TCF4: variants seen among roughly 807,000 people sequenced by gnomAD.
TCF4 encodes SL3-3 enhancer factor 2.
In TCF4, 3 loss-of-function variants were observed where a neutral mutation model predicts 82.1. The ratio of observed to expected loss-of-function variants is 0.04; its 90% CI spans 0.02 to 0.09. The LOEUF is 0.09. Among genes scored for constraint, TCF4 ranks in the 10% least tolerant of loss-of-function variants. The pLI is 1.00. For missense variants in TCF4, 518 were observed against 852.7 expected (o/e 0.61, Z 4.89); for synonymous variants, 276 against 309.6 (o/e 0.89, Z 1.14).
At chr18:55,230,149 A>C (rs371622259) in intron 17 of TCF4, 20 of 12,948 alleles carry the variant, frequency 1.5e-3, no homozygotes, top group African/African-American at 3.3e-3. Context: ...TGTCTCTTAC[A>C]AAAAAAAAAA....
intron 3 of TCF4, among the ~76,000 whole-genome samples, chr18:55,475,359 T>A (rs907822772): frequency 1.3e-5 from 2 of 152,180 alleles, no homozygotes; most frequent in African/African-American, 2.4e-5. Flanking sequence ...ACAATAGTGG[T>A]CTGGTGTCCT....
At chr18:55,487,892 TA>T (rs879529817) in intron 3 of TCF4, among the ~76,000 whole-genome samples, 135 of 145,382 alleles carry the variant, frequency 9.3e-4, no homozygotes, top group Middle Eastern at 3.5e-3. Flanking sequence ...TCCATTTTCT[TA>T]AAAAAAAAAA....
chr18:55,363,444 T>A (rs998347995), intron 6 of TCF4, among the ~76,000 whole-genome samples: 1 of 152,234 alleles, frequency 6.6e-6, no homozygotes, highest in Admixed American at 6.5e-5. Flanking sequence ...ATGGCCTTTG[T>A]TAGCTATGAC....
At chr18:55,444,055 C>T (rs1263235677) in intron 5 of TCF4, among the ~76,000 whole-genome samples, 4 of 152,150 alleles carry the variant, frequency 2.6e-5, no homozygotes, top group African/African-American at 7.2e-5. Flanking sequence ...GTTTGCATTC[C>T]TAAGCATCAC....
At chr18:55,555,890 A>G (rs1464028273) in intron 3 of TCF4, among the ~76,000 whole-genome samples, 1 of 152,196 alleles carries the variant, frequency 6.6e-6, no homozygotes, top group Non-Finnish European at 1.5e-5. Context: ...AAATACATCT[A>G]TTTAGTCTTT....
At chr18:55,600,637 G>T (rs1434802782) in intron 2 of TCF4, among the ~76,000 whole-genome samples, 1 of 152,166 alleles carries the variant, frequency 6.6e-6, no homozygotes, top group Non-Finnish European at 1.5e-5. Context: ...TCACCCTCAT[G>T]TACTCCTAGG....
At chr18:55,593,413 T>C (rs142573412), upstream of TCF4, among the ~76,000 whole-genome samples, 2 of 152,302 alleles carry the variant, frequency 1.3e-5, no homozygotes, top group African/African-American at 4.8e-5. Flanking sequence ...CTAAAGATAA[T>C]GCTTCTTTCA....
At chr18:55,307,100 A>T (rs1442410193) in intron 8 of TCF4, among the ~76,000 whole-genome samples, 3 of 152,190 alleles carry the variant, frequency 2.0e-5, no homozygotes, top group Non-Finnish European at 4.4e-5. Context: ...TGTACATCAA[A>T]ATTTTTTTAT....
intron 9 of TCF4, among the ~76,000 whole-genome samples, chr18:55,277,996 G>A (rs530205692): frequency 6.6e-6 from 1 of 152,210 alleles, no homozygotes; most frequent in South Asian, 2.1e-4. Flanking sequence ...GTTACACCTA[G>A]GACGGGTCAC....
chr18:55,452,314 T>A (rs773446766), intron 5 of TCF4, among the ~76,000 whole-genome samples: 3 of 152,212 alleles, frequency 2.0e-5, no homozygotes, highest in Non-Finnish European at 4.4e-5. Context: ...AATCAACAAC[T>A]GCAATTGTGT....
chr18:55,550,082 T>C (rs776617675), intron 3 of TCF4, among the ~76,000 whole-genome samples: 4 of 152,214 alleles, frequency 2.6e-5, no homozygotes, highest in Admixed American at 6.5e-5. Context: ...TGTAGAAAAC[T>C]ATAAACTATC....
chr18:55,587,127 T>C lies in TCF4; in HGVS notation c.-11A>G. 6.3e-7 allele frequency: 1 copy of C among 1,595,382 alleles called. No individual in the cohort carries two copies. The highest frequency in any genetic ancestry group is 8.5e-7 in the Non-Finnish European group (1 of 1,169,830). On this transcript the variant is annotated 5_prime_UTR_variant, in exon 2 of 20. An upstream open reading frame in the 5' UTR loses its in-frame stop. Transcript: ENST00000354452. The stretch of plus-strand genomic sequence containing the variant: ...CTGTTGGTGATGCATTTTAGCAAAA[T>C]CACACAAACCTAGAAACATGGAAAT...
chr18:55,586,800 G>T lies in TCF4; in HGVS notation c.72+245C>A, dbSNP rs375017733. On this transcript the variant is annotated intron_variant, in intron 2 of 19. Transcript: ENST00000354452. ...CTGGGGTGAGATTCCATTATTTGGG[G>T]TAATCAGTGGGTAGGGAATTGAAGG... is the stretch of plus-strand genomic sequence containing the variant. The T allele has an allele frequency of 2.8e-5, 13 of 469,468 alleles. No homozygotes were observed. In the East Asian group the frequency reaches 3.2e-4, roughly 12 times the overall value. The allele number at this position is 469,468 out of a possible 1,614,324, so 29.1% of individuals were successfully genotyped here. A position where few individuals can be genotyped will look rare whatever the true frequency, so the allele number is the denominator to read the frequency against.
At chr18:55,417,060 G>A (rs17089802) in intron 5 of TCF4, among the ~76,000 whole-genome samples, 5,032 of 152,324 alleles carry the variant, frequency 0.033, 262 homozygotes, top group African/African-American at 0.11. Context: ...ATCAGAGCAG[G>A]CCCGACGACG....
chr18:55,455,564 TC>T (rs2095732216), intron 5 of TCF4, among the ~76,000 whole-genome samples: 1 of 150,934 alleles, frequency 6.6e-6, no homozygotes, highest in Admixed American at 6.6e-5. Flanking sequence ...CACCAAGATG[TC>T]CCTAACTAAT....
At chr18:55,495,934 T>C (rs1340683275) in intron 3 of TCF4, 1 of 152,176 alleles carries the variant, frequency 6.6e-6, no homozygotes, top group Non-Finnish European at 1.5e-5. Context: ...TGAGGTCTTT[T>C]TAATTGAGGC....
At chr18:55,372,531 T>C (rs1298882889) in intron 6 of TCF4, among the ~76,000 whole-genome samples, 3 of 152,066 alleles carry the variant, frequency 2.0e-5, no homozygotes. Context: ...GTAGCCAAAC[T>C]TGCCTTCAAA....
chr18:55,366,042 T>C (rs1212124368), intron 6 of TCF4, among the ~76,000 whole-genome samples: 1 of 151,298 alleles, frequency 6.6e-6, no homozygotes, highest in Non-Finnish European at 1.5e-5. Flanking sequence ...AAGACATATA[T>C]AGACCATGTG....
chr18:55,255,405 CTG>C (rs2056537565), intron 14 of TCF4, among the ~76,000 whole-genome samples: 1 of 152,106 alleles, frequency 6.6e-6, no homozygotes, highest in South Asian at 2.1e-4. Flanking sequence ...GGGCATCTAA[CTG>C]AGTTCAAAGC....
Sources: gnomAD v4.1 joint callset for allele counts (sites outside exome capture counted in the v4.1 genomes callset) on GRCh38, gnomAD v4.1.1 for gene constraint, MANE v1.5 for transcripts, NCBI Gene and HGNC (gene_info 2026-07-23, HGNC 2026-07-21) for gene names.